The following OTC variants were observed in gnomAD, a reference collection of about 807,000 sequenced individuals.
OTC encodes the protein ornithine transcarbamylase, mitochondrial.
A neutral mutation model predicts 30.3 loss-of-function variants in OTC; 3 were observed. That is an observed-to-expected ratio of 0.10 (90% CI 0.05 to 0.26). OTC has a LOEUF of 0.26. Among genes scored for constraint, OTC ranks in the 10% least tolerant of loss-of-function variants. The pLI is 1.00. For synonymous variants in OTC, 111 were observed against 99.7 expected (o/e 1.11, Z -0.67); for missense variants, 194 against 260.3 (o/e 0.75, Z 1.75).
At chrX:38,396,354 A>G (rs1395256632) in intron 4 of OTC, among the ~76,000 whole-genome samples, 1 of 112,020 alleles carries the variant, frequency 8.9e-6, no homozygotes, top group Non-Finnish European at 1.9e-5. Flanking sequence ...ATTTAATAAT[A>G]TATTAACCTG....
At chrX:38,373,989 C>A (rs1440744580) in intron 3 of OTC, among the ~76,000 whole-genome samples, 2 of 110,402 alleles carry the variant, frequency 1.8e-5, no homozygotes, top group Non-Finnish European at 3.8e-5. Context: ...ACAGTGAAAC[C>A]CCATCTCTAC....
chrX:38,391,000 C>T (rs950055232), intron 4 of OTC, among the ~76,000 whole-genome samples: 4 of 111,218 alleles, frequency 3.6e-5, no homozygotes, highest in Non-Finnish European at 7.5e-5. Flanking sequence ...AGAAAAAACA[C>T]CAAGCAACAA....
In OTC at chrX:38,421,359, CATAAA is replaced by C; in HGVS notation, c.*281_*285del. 1 of 309,797 alleles carries C rather than the reference CATAAA, an allele frequency of 3.2e-6. No homozygotes were observed. The highest frequency in any genetic ancestry group is 5.8e-6 in the Non-Finnish European group (1 of 173,027). The allele number at this position is 309,797 out of a possible 1,213,427, so 25.5% of individuals were successfully genotyped here. A position where few individuals can be genotyped will look rare whatever the true frequency, so the allele number is the denominator to read the frequency against. The stretch of plus-strand genomic sequence containing the variant: ...TAATTATCATATACATTTACTTCAA[CATAAA>C]ATACTGTGTTCATAATGTATAATGT... On this transcript the variant is annotated 3_prime_UTR_variant, in exon 10 of 10. Coordinates refer to ENST00000039007, the MANE Select transcript of OTC (RefSeq NM_000531.6).
intron 1 of OTC, among the ~76,000 whole-genome samples, chrX:38,365,988 C>T (rs1184846716): frequency 8.9e-6 from 1 of 111,888 alleles, no homozygotes; most frequent in East Asian, 2.8e-4. Flanking sequence ...TCAAAGACTG[C>T]TATGAGAAAT....
At chrX:38,343,667 T>C in the OTC span, among the ~76,000 whole-genome samples, 1 of 112,354 alleles carries the variant, frequency 8.9e-6, no homozygotes, top group African/African-American at 3.2e-5. Flanking sequence ...ATATCTAAGC[T>C]CAAAAAATTC....
chrX:38,340,188 T>C, the OTC span, among the ~76,000 whole-genome samples: 1 of 111,399 alleles, frequency 9.0e-6, no homozygotes, highest in East Asian at 2.8e-4. Context: ...AGGTCGAGAA[T>C]ATGTTCAGAC....
At chrX:38,418,979 T>C (rs2068582619) in intron 9 of OTC, among the ~76,000 whole-genome samples, 1 of 112,130 alleles carries the variant, frequency 8.9e-6, no homozygotes, top group Non-Finnish European at 1.9e-5. Flanking sequence ...AGAGCTTATA[T>C]TTAAGTCTTT....
At chrX:38,338,889 T>C in the OTC span, among the ~76,000 whole-genome samples, 1 of 111,829 alleles carries the variant, frequency 8.9e-6, no homozygotes, top group Admixed American at 9.5e-5. Context: ...TATTGGTTGG[T>C]AAATCTCATC....
the OTC span, among the ~76,000 whole-genome samples, chrX:38,345,477 T>C: frequency 9.0e-6 from 1 of 110,731 alleles, no homozygotes; most frequent in African/African-American, 3.3e-5. Flanking sequence ...CCCCAAGCAC[T>C]GATTTTAGGA....
chrX:38,344,240 T>TACACACACAC, the OTC span, among the ~76,000 whole-genome samples: 1 of 61,715 alleles, frequency 1.6e-5, no homozygotes, highest in African/African-American at 4.6e-5. Flanking sequence ...TATATATATA[T>TACACACACAC]ACACACACAC....
intron 1 of OTC, among the ~76,000 whole-genome samples, chrX:38,359,335 A>G (rs141772304): frequency 3.0e-4 from 34 of 111,642 alleles, no homozygotes; most frequent in Middle Eastern, 4.7e-3. Context: ...ACTAGGCCAC[A>G]GTCAATTATC....
Position 38,368,788 on chromosome X carries a change from G to A in OTC, c.217-1008G>A, listed in dbSNP as rs919201671. 3.0e-5 allele frequency among the ~76,000 whole-genome samples: 3 copies of A among 101,407 alleles called. No individual in the cohort carries two copies. In the East Asian group the frequency reaches 9.1e-4, roughly 31 times the overall value. The allele number at this position is 101,407 out of a possible 115,157, so 88.1% of individuals were successfully genotyped here. On this transcript the variant is annotated intron_variant, in intron 2 of 9. Coordinates refer to ENST00000039007, the MANE Select transcript of OTC (RefSeq NM_000531.6). ...GTGACCGCAACTGCTATGGGTTGAT[G>A]TTCCTATAAAACACCTGAAATAAGA...
chrX:38,388,317 C>T (rs2068413923), intron 4 of OTC, among the ~76,000 whole-genome samples: 1 of 111,806 alleles, frequency 8.9e-6, no homozygotes, highest in Non-Finnish European at 1.9e-5. Context: ...TTCTCACCCC[C>T]TAACATATCA....
chrX:38,332,504 T>TTATATATATATATATA, the OTC span, among the ~76,000 whole-genome samples: 2,160 of 39,096 alleles, frequency 0.055, 192 homozygotes, highest in Non-Finnish European at 0.06. Context: ...GCCCTAGATT[T>TTATATATATATATATA]TATATATATA....
At chrX:38,394,423 G>A (rs2068444275) in intron 4 of OTC, among the ~76,000 whole-genome samples, 1 of 112,004 alleles carries the variant, frequency 8.9e-6, no homozygotes, top group South Asian at 3.7e-4. Flanking sequence ...TTAGAAAAAA[G>A]GAGAGTCTGT....
At chrX:38,412,687 A>G (rs1381689441) in intron 9 of OTC, among the ~76,000 whole-genome samples, 1 of 112,045 alleles carries the variant, frequency 8.9e-6, no homozygotes, top group African/African-American at 3.2e-5. Flanking sequence ...TTTAGCTTTT[A>G]GTGACTTAAC....
At chrX:38,342,954 C>A in the OTC span, among the ~76,000 whole-genome samples, 1 of 111,836 alleles carries the variant, frequency 8.9e-6, no homozygotes, top group African/African-American at 3.3e-5. Flanking sequence ...GTAGATATAG[C>A]CCAATAAAGC....
upstream of OTC, among the ~76,000 whole-genome samples, chrX:38,350,789 G>A (rs140575359): frequency 9.4e-4 from 104 of 111,010 alleles, no homozygotes; most frequent in African/African-American, 3.4e-3. Flanking sequence ...TCTCTAGCAT[G>A]GAACTGCAGA....
At chrX:38,384,942 T>C (rs899619006) in intron 4 of OTC, among the ~76,000 whole-genome samples, 3 of 112,231 alleles carry the variant, frequency 2.7e-5, no homozygotes, top group African/African-American at 9.7e-5. Context: ...TCATTTTTCT[T>C]CCAGACATTG....
Sources: gnomAD v4.1 joint callset for allele counts (sites outside exome capture counted in the v4.1 genomes callset) on GRCh38, gnomAD v4.1.1 for gene constraint, MANE v1.5 for transcripts, NCBI Gene and HGNC (gene_info 2026-07-23, HGNC 2026-07-21) for gene names.